AQR: variants seen among roughly 807,000 people sequenced by gnomAD.
AQR encodes the protein aquarius intron-binding spliceosomal factor, also known as RNA helicase aquarius.
Under a neutral mutation model 180.5 loss-of-function variants are expected in AQR, and 61 were observed. The observed-to-expected ratio is 0.34, with a 90% CI of 0.28 to 0.42. The LOEUF is 0.42. Ranked by LOEUF, AQR falls within the 10% of genes least tolerant of loss-of-function variation. AQR has a pLI of 1.00. For missense variants in AQR, 1,281 were observed against 1,798.3 expected, an observed-to-expected ratio of 0.71 and a Z score of 5.20; for synonymous variants, 551 against 588.8, an observed-to-expected ratio of 0.94 and a Z score of 0.93.
intron 27 of AQR, 49 bp downstream of exon 27, chr15:34,882,451 ATC>A (rs1892985369): frequency 7.3e-7 from 1 of 1,362,132 alleles, no homozygotes. Context: ...AAGTGAGCCA[ATC>A]TCTGATAATC....
chr15:34,947,569 AAAT>A (rs1894150089), intron 5 of AQR, among the ~76,000 whole-genome samples: 2 of 150,974 alleles, frequency 1.3e-5, no homozygotes, highest in African/African-American at 4.8e-5. Flanking sequence ...AAGACAAAAA[AAAT>A]AAAAATAAAC....
rs1269586963 is a variant in AQR, at chr15:34,856,590, T to A, written c.*202A>T. On this transcript the variant is annotated 3_prime_UTR_variant, in exon 35 of 35. Coordinates refer to ENST00000156471, the MANE Select transcript of AQR (RefSeq NM_014691.3). The stretch of plus-strand genomic sequence containing the variant: ...CATGAAAGGAATGGTTATTTGCTCT[T>A]CTGATTGAACAAATGAAACTAGAAT... The A allele has an allele frequency of 1.7e-5, 8 of 461,436 alleles. No homozygotes were observed. The highest frequency in any genetic ancestry group is 3.0e-5 in the Non-Finnish European group (8 of 265,960). 28.6% of individuals were successfully genotyped at this position (461,436 alleles called of 1,614,324 possible).
intron 27 of AQR, among the ~76,000 whole-genome samples, chr15:34,880,660 C>A (rs1405488962): frequency 6.6e-6 from 1 of 151,842 alleles, no homozygotes; most frequent in Non-Finnish European, 1.5e-5. Context: ...ATGTAAACAC[C>A]CCAAAGTGAG....
In AQR at chr15:34,969,588, T is replaced by A; in HGVS notation, c.26A>T (p.Lys9Met). The change falls in exon 1 of 35, where the codon AAG becomes ATG. Residue 9 changes from lysine to methionine, a missense_variant. Around this residue, in one of 9 missense-constraint regions of AQR, gnomAD observed 404 missense variants for 490.9 expected, o/e 0.82. Coordinates refer to ENST00000156471, the MANE Select transcript of AQR (RefSeq NM_014691.3). The part of the protein sequence containing the change: MAAPAQPK[K>M]IVAPTVSQIN... ...TTGGGACACCGTAGGGGCCACGATC[T>A]TCTTGGGCTGCGCAGGGGCTGCCAT... 6.2e-7 allele frequency: 1 copy of A among 1,613,614 alleles called. No homozygotes were observed.
chr15:34,885,399 T>C (rs1172435735), intron 25 of AQR, among the ~76,000 whole-genome samples: 1 of 152,190 alleles, frequency 6.6e-6, no homozygotes, highest in Non-Finnish European at 1.5e-5. Context: ...GTGTAGTCCT[T>C]ATGCAAAATA....
rs982365995 is a variant in AQR, at chr15:34,907,554, C to T, written c.1664-842G>A. On this transcript the variant is annotated intron_variant, in intron 17 of 34. Transcript: ENST00000156471. ...AACAAACACAATGAAATCAAATCAA[C>T]AATGTGGGCATATGGCTAATAGTAC... Among the ~76,000 whole-genome samples, 3 of 152,302 alleles carry T rather than the reference C, an allele frequency of 2.0e-5. No homozygotes were observed. In the East Asian group the frequency reaches 5.8e-4, roughly 29 times the overall value.
intron 26 of AQR, among the ~76,000 whole-genome samples, chr15:34,883,443 CTAT>C (rs1232364994): frequency 6.6e-6 from 1 of 152,092 alleles, no homozygotes; most frequent in Non-Finnish European, 1.5e-5. Context: ...CCCAAGGCAG[CTAT>C]TATTATGAAT....
chr15:34,936,610 G>A (rs1182445399), intron 9 of AQR, among the ~76,000 whole-genome samples: 1 of 151,980 alleles, frequency 6.6e-6, no homozygotes, highest in Non-Finnish European at 1.5e-5. Context: ...CAGCTACTTG[G>A]GAGGCTGAGG....
Position 34,874,830 on chromosome 15 carries a change from C to A in AQR, c.3272G>T (p.Trp1091Leu). 6.2e-7 allele frequency: 1 copy of A among 1,613,668 alleles called. No homozygotes were observed. The highest frequency in any genetic ancestry group is 8.5e-7 in the Non-Finnish European group (1 of 1,179,754). ...PQDGFSRLKR[W>L]IMIGDHHQLP... ...CTGGTGATGATCGCCAATCATAATCCATCGTTTTAGTCGGCTAAATCCATC... is the reference window on the plus strand; with the variant it reads ...CTGGTGATGATCGCCAATCATAATCAATCGTTTTAGTCGGCTAAATCCATC... The change falls in exon 29 of 35, where the codon TGG (tryptophan) becomes TTG (leucine). Residue 1091 changes from tryptophan (W) to leucine (L), a missense_variant. This residue lies in a region of AQR where 197 missense variants were observed against 320.7 expected (regional missense o/e 0.61). Transcript: ENST00000156471.
At chr15:34,949,671 A>G (rs138828437) in intron 4 of AQR, among the ~76,000 whole-genome samples, 10 of 150,784 alleles carry the variant, frequency 6.6e-5, no homozygotes, top group African/African-American at 2.4e-4. Context: ...CTAAAACAAA[A>G]TGAGGCCAGG....
chr15:34,891,366 G>C (rs573410363), intron 23 of AQR, among the ~76,000 whole-genome samples: 1 of 152,170 alleles, frequency 6.6e-6, no homozygotes, highest in African/African-American at 2.4e-5. Flanking sequence ...TATAATCCCA[G>C]AAAAAACTAC....
At chr15:34,874,288 A>C in intron 29 of AQR, 1 of 321,248 alleles carries the variant, frequency 3.1e-6, no homozygotes, top group Admixed American at 4.7e-5. Flanking sequence ...AAAATTGAGG[A>C]CATTTGGGGG....
intron 14 of AQR, 78 bp downstream of exon 14, chr15:34,920,254 T>A (rs1260674609): frequency 7.9e-6 from 8 of 1,014,558 alleles, no homozygotes; most frequent in Non-Finnish European, 1.2e-5. Context: ...AAAAAATCTA[T>A]ATGAACCTAC....
At chr15:34,890,901 A>AG (rs1455033624) in intron 23 of AQR, among the ~76,000 whole-genome samples, 1 of 152,210 alleles carries the variant, frequency 6.6e-6, no homozygotes, top group Admixed American at 6.5e-5. Flanking sequence ...GTTCATAATT[A>AG]GGGTTCCCTC....
Position 34,927,099 on chromosome 15 carries a change from C to T in AQR, c.1054G>A (p.Ala352Thr), listed in dbSNP as rs899581261. 1 of 1,591,598 alleles carries T rather than the reference C, an allele frequency of 6.3e-7. No homozygotes were observed. The change falls in exon 13 of 35, where the codon GCC becomes ACC. Residue 352 changes from alanine to threonine, a missense_variant. Physicochemically the swap from Ala to Thr is moderately conservative, Grantham distance 58. Coordinates refer to ENST00000156471, the MANE Select transcript of AQR (RefSeq NM_014691.3). Reference protein sequence around the residue: ...FAHFPELYDFALSNVAEVDTR... With the variant: ...FAHFPELYDFTLSNVAEVDTR... ...TCTACTTCTGCCACATTTGAGAGGG[C>T]AAAATCATAGAGTTCAGGAAAATGT... is the stretch of plus-strand genomic sequence containing the variant.
intron 23 of AQR, among the ~76,000 whole-genome samples, chr15:34,892,152 T>C (rs1893158059): frequency 6.6e-6 from 1 of 152,306 alleles, no homozygotes; most frequent in African/African-American, 2.4e-5. Context: ...TTTCATAATA[T>C]GCTTCAGGAT....
intron 5 of AQR, among the ~76,000 whole-genome samples, chr15:34,947,059 A>G (rs1299428148): frequency 1.3e-5 from 2 of 152,222 alleles, no homozygotes; most frequent in Admixed American, 6.5e-5. Flanking sequence ...GCGGTTTTGT[A>G]GAATAGAAAG....
intron 29 of AQR, 109 bp downstream of exon 29, chr15:34,874,568 C>T (rs540895830): frequency 5.9e-6 from 8 of 1,356,328 alleles, no homozygotes; most frequent in Non-Finnish European, 8.1e-6. Flanking sequence ...TAGCCAAGTT[C>T]CTGGATAGCC....
chr15:34,877,987 C>T (rs552237573), intron 27 of AQR, among the ~76,000 whole-genome samples: 3 of 152,254 alleles, frequency 2.0e-5, no homozygotes, highest in Admixed American at 6.5e-5. Flanking sequence ...AAGGGCACAA[C>T]AGACTTTAAA....
Sources: gnomAD v4.1 joint callset for allele counts (sites outside exome capture counted in the v4.1 genomes callset) on GRCh38, gnomAD v4.1.1 for gene constraint, gnomAD v4.1.1 regional missense constraint, MANE v1.5 for transcripts, NCBI Gene and HGNC (gene_info 2026-07-23, HGNC 2026-07-21) for gene names.